The following WBP1L variants were observed in gnomAD, a reference collection of about 807,000 sequenced individuals.
WBP1L encodes the protein WW domain binding protein 1 like.
WBP1L carries 17 observed loss-of-function variants against 33.7 expected under a neutral mutation model. The ratio of observed to expected loss-of-function variants is 0.50; its 90% CI spans 0.34 to 0.76. WBP1L has a LOEUF of 0.76. WBP1L is among the 30% of genes least tolerant of loss of function. The probability of loss-of-function intolerance (pLI) is 0.01; values close to 1 mark genes in which losing one functional copy is unlikely to be tolerated. For missense variants in WBP1L, 389 were observed against 469.4 expected, an observed-to-expected ratio of 0.83 and a Z score of 1.58; for synonymous variants, 173 against 190.8, an observed-to-expected ratio of 0.91 and a Z score of 0.77.
At chr10:102,754,972 T>A (rs1842958822) in intron 1 of WBP1L, among the ~76,000 whole-genome samples, 1 of 151,324 alleles carries the variant, frequency 6.6e-6, no homozygotes, top group South Asian at 2.1e-4. Flanking sequence ...TTTTTTGAGA[T>A]GAAGTCTCGC....
At chr10:102,768,744 G>A (rs1338453259) in intron 1 of WBP1L, among the ~76,000 whole-genome samples, 1 of 144,778 alleles carries the variant, frequency 6.9e-6, no homozygotes, top group South Asian at 2.2e-4. Context: ...CTGGAGTGCA[G>A]TGGTGTGATC....
chr10:102,758,821 C>T (rs374302146), intron 1 of WBP1L, among the ~76,000 whole-genome samples: 1 of 152,202 alleles, frequency 6.6e-6, no homozygotes, highest in African/African-American at 2.4e-5. Context: ...AAGCAGGTCA[C>T]GTGCTTACAG....
intron 1 of WBP1L, among the ~76,000 whole-genome samples, chr10:102,751,510 G>A (rs972002758): frequency 3.3e-5 from 5 of 151,996 alleles, no homozygotes; most frequent in Admixed American, 6.6e-5. Context: ...GTTTCACCAC[G>A]TTGGCCAGGC....
rs189920390 is a variant in WBP1L, at chr10:102,811,117, C to T, written c.355+1063C>T. 7.1e-4 allele frequency among the ~76,000 whole-genome samples: 108 copies of T among 152,170 alleles called. No homozygotes were observed. In the East Asian group the frequency reaches 9.8e-3, roughly 14 times the overall value. On this transcript the variant is annotated intron_variant, in intron 3 of 3. Coordinates refer to ENST00000448841, the MANE Select transcript of WBP1L (RefSeq NM_001083913.2). ...AGTCCTTCTAGATGTGGAATTGAAA[C>T]AATTGTGGGCCGGGCTCAGTGGCTC...
chr10:102,789,363 G>C lies in WBP1L; in HGVS notation c.91-8630G>C, dbSNP rs138566353. Reference sequence around the variant, plus strand: ...GCTTTCCCTGAGATCACTGTACTCAGCTACACTAGTCTTCTTTCTCTTCCT... The same window carrying C: ...GCTTTCCCTGAGATCACTGTACTCACCTACACTAGTCTTCTTTCTCTTCCT... On this transcript the variant is annotated intron_variant, in intron 1 of 3. Coordinates refer to ENST00000448841, the MANE Select transcript of WBP1L (RefSeq NM_001083913.2). Among the ~76,000 whole-genome samples the C allele has an allele frequency of 3.3e-3, 499 of 152,280 alleles. 1 individual carries two copies. Among genetic ancestry groups the C allele is most frequent in the Non-Finnish European group, 6.0e-3 (406 of 68,032 alleles).
intron 1 of WBP1L, among the ~76,000 whole-genome samples, chr10:102,767,375 A>G (rs1370737221): frequency 6.6e-6 from 1 of 152,192 alleles, no homozygotes; most frequent in Non-Finnish European, 1.5e-5. Context: ...TTCCATTTAA[A>G]GCTGGGTGCA....
At chr10:102,795,648 T>C (rs1449648252) in intron 1 of WBP1L, among the ~76,000 whole-genome samples, 3 of 152,226 alleles carry the variant, frequency 2.0e-5, no homozygotes, top group African/African-American at 7.2e-5. Flanking sequence ...TCTGGTGAAT[T>C]TTCCTGAGAC....
At chr10:102,766,441 CA>C (rs56812691) in intron 1 of WBP1L, among the ~76,000 whole-genome samples, 351 of 57,444 alleles carry the variant, frequency 6.1e-3, no homozygotes, top group Middle Eastern at 0.015. Context: ...AACTCTGTCT[CA>C]AAAAAAAAAA....
At chr10:102,798,152 T>G (rs1343679267) in intron 2 of WBP1L, 57 bp downstream of exon 2, 3 of 1,478,462 alleles carry the variant, frequency 2.0e-6, no homozygotes, top group Non-Finnish European at 2.8e-6. Context: ...CTGCCTCTGC[T>G]TAGTGGGAAA....
chr10:102,773,769 T>C (rs1187347306), intron 1 of WBP1L, among the ~76,000 whole-genome samples: 1 of 151,602 alleles, frequency 6.6e-6, no homozygotes, highest in Non-Finnish European at 1.5e-5. Context: ...CGTGGTGGCG[T>C]GTGCCTGTAG....
At chr10:102,762,234 T>A (rs1245773827) in intron 1 of WBP1L, among the ~76,000 whole-genome samples, 1 of 152,068 alleles carries the variant, frequency 6.6e-6, no homozygotes, top group African/African-American at 2.4e-5. Flanking sequence ...AAAATGAATC[T>A]CTGAAAGATA....
intron 1 of WBP1L, among the ~76,000 whole-genome samples, chr10:102,745,368 A>G (rs1052281080): frequency 6.6e-6 from 1 of 152,232 alleles, no homozygotes; most frequent in South Asian, 2.1e-4. Context: ...TAGTACACTT[A>G]CAATGTTGTG....
At chr10:102,744,627 A>G (rs1000109180) in intron 1 of WBP1L, among the ~76,000 whole-genome samples, 1 of 152,054 alleles carries the variant, frequency 6.6e-6, no homozygotes. Context: ...AAAAATTACT[A>G]TGTTCCTGGG....
intron 1 of WBP1L, among the ~76,000 whole-genome samples, chr10:102,771,548 G>A (rs938206401): frequency 1.4e-5 from 2 of 141,150 alleles, no homozygotes; most frequent in African/African-American, 2.4e-5. Context: ...GTTAATCTGA[G>A]GCCAGACATG....
Position 102,798,013 on chromosome 10 carries a change from T to G in WBP1L, c.111T>G (p.Gly37=), listed in dbSNP as rs775097827. Residue 37 remains glycine, a synonymous_variant, in exon 2 of 4, where the codon GGT becomes GGG. Coordinates refer to ENST00000448841, the MANE Select transcript of WBP1L (RefSeq NM_001083913.2). ...TTTAGGATAAGGAAGCCTGTGTGGG[T>G]ACCAACAATCAAAGCTACATCTGTG... is the stretch of plus-strand genomic sequence containing the variant. ...EPPQDKEACV[G]TNNQSYICDT... The G allele has an allele frequency of 3.1e-6, 5 of 1,613,950 alleles. No homozygotes were observed. The African/African-American group carries it at 4.0e-5, about 13-fold the overall frequency.
chr10:102,746,602 G>T (rs1369176027), intron 1 of WBP1L, among the ~76,000 whole-genome samples: 4 of 62,948 alleles, frequency 6.4e-5, no homozygotes, highest in Admixed American at 3.3e-4. Flanking sequence ...ATTTTTTTGG[G>T]TTTTTTTGGG....
intron 1 of WBP1L, among the ~76,000 whole-genome samples, chr10:102,755,881 TAAAAATACA>T (rs1282170003): frequency 6.8e-6 from 1 of 146,570 alleles, no homozygotes; most frequent in East Asian, 2.2e-4. Context: ...CCGTCTCTAC[TAAAAATACA>T]AAAAATTAGC....
At chr10:102,766,039 G>A (rs1237388080) in intron 1 of WBP1L, among the ~76,000 whole-genome samples, 1 of 152,096 alleles carries the variant, frequency 6.6e-6, no homozygotes, top group African/African-American at 2.4e-5. Flanking sequence ...TTTTCCTAAT[G>A]GTTCTCTTTC....
At chr10:102,783,147 C>T (rs145773042) in intron 1 of WBP1L, among the ~76,000 whole-genome samples, 10 of 152,178 alleles carry the variant, frequency 6.6e-5, no homozygotes, top group East Asian at 3.9e-4. Context: ...TGGGGCGGAC[C>T]GCCAGCACAA....
Sources: gnomAD v4.1 joint callset for allele counts (sites outside exome capture counted in the v4.1 genomes callset) on GRCh38, gnomAD v4.1.1 for gene constraint, MANE v1.5 for transcripts, NCBI Gene and HGNC (gene_info 2026-07-23, HGNC 2026-07-21) for gene names.